KDM4C: variants seen among roughly 807,000 people sequenced by gnomAD.
The protein encoded by KDM4C is lysine-specific demethylase 4C.
Under a neutral mutation model 129.3 loss-of-function variants are expected in KDM4C, and 81 were observed. The ratio of observed to expected loss-of-function variants is 0.63; its 90% CI spans 0.52 to 0.75. The LOEUF (loss-of-function observed/expected upper bound fraction) is 0.75, where lower values mean the gene tolerates loss of function less well. KDM4C is among the 30% of genes least tolerant of loss of function. KDM4C has a pLI of 0.00. For missense variants in KDM4C, 1,457 were observed against 1,304.0 expected (o/e 1.12, Z -1.81); for synonymous variants, 573 against 456.1 (o/e 1.26, Z -3.26).
chr9:6,832,537 T>C (rs1835042939), intron 4 of KDM4C, among the ~76,000 whole-genome samples: 1 of 145,274 alleles, frequency 6.9e-6, no homozygotes, highest in African/African-American at 2.5e-5. Flanking sequence ...GCCATTCTCC[T>C]GCCTCAGCCT....
intron 18 of KDM4C, among the ~76,000 whole-genome samples, chr9:7,115,518 A>C (rs1164646133): frequency 6.6e-6 from 1 of 152,228 alleles, no homozygotes; most frequent in African/African-American, 2.4e-5. Context: ...ATCTTGTAAC[A>C]CATAAGAGGT....
intron 20 of KDM4C, among the ~76,000 whole-genome samples, chr9:7,166,571 A>T (rs1844412736): frequency 6.6e-6 from 1 of 152,226 alleles, no homozygotes; most frequent in Non-Finnish European, 1.5e-5. Context: ...GCTTCATTGC[A>T]TTAGAATGAC....
intron 18 of KDM4C, among the ~76,000 whole-genome samples, chr9:7,106,226 C>G (rs556821194): frequency 2.0e-4 from 30 of 152,158 alleles, no homozygotes; most frequent in African/African-American, 6.5e-4. Context: ...GCCCCTATTG[C>G]TTTAAATGTT....
intron 19 of KDM4C, among the ~76,000 whole-genome samples, chr9:7,146,272 T>A (rs899207273): frequency 1.3e-5 from 2 of 152,250 alleles, no homozygotes; most frequent in Non-Finnish European, 2.9e-5. Context: ...TAGGTGATTA[T>A]GATTTTCAAC....
In KDM4C at chr9:7,126,813, T is replaced by C. The variant is rs184407160; in HGVS notation, c.2611-1253T>C. Among the ~76,000 whole-genome samples, 3 of 151,154 alleles carry C rather than the reference T, an allele frequency of 2.0e-5. No homozygotes were observed. The East Asian group carries it at 5.8e-4, about 29-fold the overall frequency. On this transcript the variant is annotated intron_variant, in intron 18 of 21. Transcript: ENST00000381309. Reference sequence around the variant, plus strand: ...TTTCAGGACTGGTGCAAGATGATCCTGAAACATCTTATCAGACAAGATAGT... The same window carrying C: ...TTTCAGGACTGGTGCAAGATGATCCCGAAACATCTTATCAGACAAGATAGT...
At chr9:6,951,272 T>G (rs1828092903) in intron 8 of KDM4C, among the ~76,000 whole-genome samples, 1 of 152,234 alleles carries the variant, frequency 6.6e-6, no homozygotes, top group Non-Finnish European at 1.5e-5. Context: ...AACTTATTGC[T>G]TCTATCTAGC....
intron 18 of KDM4C, among the ~76,000 whole-genome samples, chr9:7,119,350 A>G (rs1285873526): frequency 3.9e-5 from 6 of 152,198 alleles, no homozygotes. Flanking sequence ...GTCTTAGAAA[A>G]TGGGAAAAGA....
chr9:6,721,136 C>T (rs1451506825), intron 1 of KDM4C: 5 of 677,726 alleles, frequency 7.4e-6, no homozygotes, highest in East Asian at 2.9e-5. Context: ...GGCAGTGGTG[C>T]AATCACACCT....
chr9:7,007,945 C>A (rs1326994970), intron 12 of KDM4C, among the ~76,000 whole-genome samples: 1 of 152,086 alleles, frequency 6.6e-6, no homozygotes, highest in Admixed American at 6.5e-5. Flanking sequence ...CAGCGCTTGT[C>A]CCCTGGCAGA....
chr9:7,027,411 CT>C (rs1276643380), intron 15 of KDM4C, among the ~76,000 whole-genome samples: 2 of 152,346 alleles, frequency 1.3e-5, no homozygotes, highest in South Asian at 4.1e-4. Flanking sequence ...CTCTTGTTCT[CT>C]TCCCTTACTT....
rs182497361 is a variant in KDM4C at position 6,803,614 on chromosome 9, C to T, written c.145-1985C>T. Among the ~76,000 whole-genome samples the T allele has an allele frequency of 9.3e-5, 14 of 150,894 alleles. 1 individual carries two copies. The East Asian group carries it at 2.7e-3, about 29-fold the overall frequency. ...TGTTTTAAAAAAATTAAAAAAACTT[C>T]TAAAGGTGGTAAAGTGGCCAGGTGC... On this transcript the variant is annotated intron_variant, in intron 2 of 21. Transcript: ENST00000381309.
chr9:7,012,129 C>G (rs1822828005), intron 13 of KDM4C, among the ~76,000 whole-genome samples: 1 of 152,194 alleles, frequency 6.6e-6, no homozygotes, highest in African/African-American at 2.4e-5. Flanking sequence ...AGTGCAGTGG[C>G]ACAATCATGA....
intron 4 of KDM4C, among the ~76,000 whole-genome samples, chr9:6,816,634 TC>T (rs1270863725): frequency 6.6e-6 from 1 of 152,228 alleles, no homozygotes; most frequent in Non-Finnish European, 1.5e-5. Context: ...AGCTTACACT[TC>T]CTATAGCAAT....
At chr9:6,878,711 G>T (rs936345798) in intron 5 of KDM4C, among the ~76,000 whole-genome samples, 5 of 151,884 alleles carry the variant, frequency 3.3e-5, no homozygotes, top group African/African-American at 1.2e-4. Flanking sequence ...TTGTTGGCAG[G>T]CATATTCATA....
intron 7 of KDM4C, among the ~76,000 whole-genome samples, chr9:6,888,742 C>T (rs957623499): frequency 1.2e-4 from 18 of 151,068 alleles, no homozygotes; most frequent in African/African-American, 4.1e-4. Flanking sequence ...TACTTAGCTG[C>T]TTGCAGAAAC....
chr9:6,890,448 T>C (rs1184128892), intron 7 of KDM4C, among the ~76,000 whole-genome samples: 1 of 152,188 alleles, frequency 6.6e-6, no homozygotes, highest in Non-Finnish European at 1.5e-5. Context: ...CTTCTTTCAT[T>C]GTATTTGCCA....
Position 7,174,427 on chromosome 9 carries a change from C to A in KDM4C, c.2995-126C>A, listed in dbSNP as rs1332118962. 4.8e-6 allele frequency: 4 copies of A among 826,170 alleles called. No homozygotes were observed. In the East Asian group the frequency reaches 7.4e-5, roughly 15 times the overall value. 51.2% of individuals were successfully genotyped at this position (826,170 alleles called of 1,614,324 possible). ...AAAGCCCAAAGCCATGCCTGGGGCCCTTTTAGCCTGAGCTGGTGACCTGGG... is the reference window on the plus strand; with the variant it reads ...AAAGCCCAAAGCCATGCCTGGGGCCATTTTAGCCTGAGCTGGTGACCTGGG... On this transcript the variant is annotated intron_variant, in intron 21 of 21. Transcript: ENST00000381309.
intron 17 of KDM4C, among the ~76,000 whole-genome samples, chr9:7,075,322 A>C (rs535306160): frequency 2.0e-5 from 3 of 152,214 alleles, no homozygotes; most frequent in East Asian, 1.9e-4. Flanking sequence ...GTTTCATCAC[A>C]TGTGTTTTGT....
intron 17 of KDM4C, among the ~76,000 whole-genome samples, chr9:7,052,898 A>AGAGAGAGAGAGCGAGAGAGG (rs1477487723): frequency 2.1e-5 from 1 of 47,532 alleles, no homozygotes. Context: ...AGAGAGAGAG[A>AGAGAGAGAGAGCGAGAGAGG]GAGCGAGCGA....
Sources: allele counts gnomAD v4.1 joint callset (sites outside exome capture counted in the v4.1 genomes callset), GRCh38; gene constraint gnomAD v4.1.1; transcripts MANE v1.5; gene names NCBI Gene and HGNC (gene_info 2026-07-23, HGNC 2026-07-21).